The following ANGPT1 variants were observed in gnomAD, a reference collection of about 807,000 sequenced individuals.
The protein encoded by ANGPT1 is angiopoietin-1.
Under a neutral mutation model 62.2 loss-of-function variants are expected in ANGPT1, and 17 were observed. The ratio of observed to expected loss-of-function variants is 0.27; its 90% CI spans 0.19 to 0.41. The LOEUF (loss-of-function observed/expected upper bound fraction) is 0.41, where lower values mean the gene tolerates loss of function less well. ANGPT1 is among the 10% of genes least tolerant of loss of function. The probability of loss-of-function intolerance (pLI) is 1.00; values close to 1 mark genes in which losing one functional copy is unlikely to be tolerated. For synonymous variants in ANGPT1, 199 were observed against 198.9 expected (o/e 1.00, Z 0.00); for missense variants, 478 against 594.9 (o/e 0.80, Z 2.04).
chr8:107,264,418 C>T (rs1371000194), intron 7 of ANGPT1, 67 bp from the exon 8 acceptor site: 1 of 1,553,044 alleles, frequency 6.4e-7, no homozygotes, highest in Non-Finnish European at 8.7e-7. Context: ...AGAAGACCAG[C>T]TTGTTGAATG....
At chr8:107,292,950 A>G (rs1344552738) in intron 6 of ANGPT1, among the ~76,000 whole-genome samples, 1 of 152,204 alleles carries the variant, frequency 6.6e-6, no homozygotes, top group Non-Finnish European at 1.5e-5. Flanking sequence ...TTCAGCTGCA[A>G]AAGAATGAGA....
At chr8:107,398,245 G>C (rs760814711) in intron 1 of ANGPT1, among the ~76,000 whole-genome samples, 11 of 152,124 alleles carry the variant, frequency 7.2e-5, no homozygotes, top group Non-Finnish European at 1.0e-4. Flanking sequence ...AAAATTGTAA[G>C]TTTTAGAATA....
intron 4 of ANGPT1, among the ~76,000 whole-genome samples, chr8:107,315,450 G>A (rs576407495): frequency 6.6e-6 from 1 of 152,082 alleles, no homozygotes; most frequent in South Asian, 2.1e-4. Flanking sequence ...ACTCATTTTA[G>A]TCTCTGAGAT....
chr8:107,335,210 T>C (rs1815531544), intron 3 of ANGPT1, among the ~76,000 whole-genome samples: 1 of 152,158 alleles, frequency 6.6e-6, no homozygotes, highest in Admixed American at 6.5e-5. Flanking sequence ...GAGTCTCTGT[T>C]CCCTCACTTG....
At chr8:107,327,650 A>C (rs1815320574) in intron 3 of ANGPT1, among the ~76,000 whole-genome samples, 1 of 152,108 alleles carries the variant, frequency 6.6e-6, no homozygotes, top group South Asian at 2.1e-4. Flanking sequence ...GAAACCATGC[A>C]CCTAAATCTA....
chr8:107,491,104 T>C (rs1160834064), intron 1 of ANGPT1, among the ~76,000 whole-genome samples: 1 of 152,132 alleles, frequency 6.6e-6, no homozygotes, highest in Non-Finnish European at 1.5e-5. Flanking sequence ...GAGCCAACTA[T>C]GCTGTAAGCA....
intron 2 of ANGPT1, chr8:107,336,479 C>T (rs1260478912): frequency 4.9e-6 from 3 of 617,524 alleles, no homozygotes; most frequent in East Asian, 8.7e-5. Context: ...TCCTGGCAAA[C>T]ATGGTGAAAC....
intron 2 of ANGPT1, among the ~76,000 whole-genome samples, chr8:107,343,002 T>A (rs1231738614): frequency 2.9e-5 from 4 of 139,014 alleles, no homozygotes; most frequent in Non-Finnish European, 6.6e-5. Context: ...TGCCTGGCTT[T>A]TTTTTTTTTT....
chr8:107,358,271 A>G lies in ANGPT1; in HGVS notation c.298-11174T>C, dbSNP rs554301875. Among the ~76,000 whole-genome samples, 3 of 152,282 alleles carry G rather than the reference A, an allele frequency of 2.0e-5. No individual in the cohort carries two copies. The East Asian group carries it at 5.8e-4, about 29-fold the overall frequency. On this transcript the variant is annotated intron_variant, in intron 1 of 8. Transcript: ENST00000517746. ...TTGTTGAGTAGTTCTTATTTAAATT[A>G]CCCTTGGTCCAAGTACTGGAAGAAT...
At chr8:107,254,085 G>A (rs1321409716) in intron 8 of ANGPT1, among the ~76,000 whole-genome samples, 1 of 152,046 alleles carries the variant, frequency 6.6e-6, no homozygotes, top group Non-Finnish European at 1.5e-5. Flanking sequence ...TACTTAGTAG[G>A]ACACCTAACG....
chr8:107,357,384 CAT>C (rs1291774885), intron 1 of ANGPT1, among the ~76,000 whole-genome samples: 1 of 152,114 alleles, frequency 6.6e-6, no homozygotes, highest in African/African-American at 2.4e-5. Flanking sequence ...AAATTGCAAA[CAT>C]GTCTCCCTTT....
At position 107,437,497 on chromosome 8, in the gene ANGPT1, G is replaced by A. The variant is rs113251337; in HGVS notation, c.297+59765C>T. On this transcript the variant is annotated intron_variant, in intron 1 of 8. Transcript: ENST00000517746. ...AGTATTTGAATAGCTATGGTTTCAAGGCAATTATATTAAGTACACAAACCT... is the reference window on the plus strand; with the variant it reads ...AGTATTTGAATAGCTATGGTTTCAAAGCAATTATATTAAGTACACAAACCT... Among the ~76,000 whole-genome samples, 743 of 152,300 alleles carry A rather than the reference G, an allele frequency of 4.9e-3. 6 individuals are homozygous for A. The highest frequency in any genetic ancestry group is 0.017 in the African/African-American group (707 of 41,560).
intron 2 of ANGPT1, among the ~76,000 whole-genome samples, chr8:107,340,641 G>A (rs1156289182): frequency 6.6e-6 from 1 of 150,626 alleles, no homozygotes; most frequent in Non-Finnish European, 1.5e-5. Context: ...CCGGTGAGGT[G>A]TGCCCAGCAA....
chr8:107,405,056 T>A (rs1215108834), intron 1 of ANGPT1, among the ~76,000 whole-genome samples: 1 of 152,028 alleles, frequency 6.6e-6, no homozygotes, highest in African/African-American at 2.4e-5. Flanking sequence ...CATATTCATC[T>A]ATAAAAAATA....
chr8:107,475,145 G>C (rs1026452046), intron 1 of ANGPT1, among the ~76,000 whole-genome samples: 2 of 152,100 alleles, frequency 1.3e-5, no homozygotes, highest in Non-Finnish European at 2.9e-5. Flanking sequence ...TAAGCCAAAA[G>C]AACAAAGCTG....
At chr8:107,481,317 G>C (rs914735454) in intron 1 of ANGPT1, among the ~76,000 whole-genome samples, 1 of 151,692 alleles carries the variant, frequency 6.6e-6, no homozygotes, top group South Asian at 2.1e-4. Flanking sequence ...GGTGGATCAC[G>C]AGGTCAAGAG....
intron 1 of ANGPT1, among the ~76,000 whole-genome samples, chr8:107,476,395 T>G (rs565346686): frequency 1.4e-4 from 22 of 151,844 alleles, no homozygotes; most frequent in Admixed American, 1.3e-3. Context: ...TGAGAACACT[T>G]GGGCACAGGA....
chr8:107,294,130 T>A (rs1814352509), intron 5 of ANGPT1, 93 bp from the exon 6 acceptor site: 1 of 958,666 alleles, frequency 1.0e-6, no homozygotes. Context: ...GGCGAACAGG[T>A]CTGCAGATTA....
At chr8:107,363,462 C>A (rs1816209676) in intron 1 of ANGPT1, among the ~76,000 whole-genome samples, 1 of 152,120 alleles carries the variant, frequency 6.6e-6, no homozygotes, top group African/African-American at 2.4e-5. Flanking sequence ...ACGTGAGAAG[C>A]AGCACATGAG....
Sources: gnomAD v4.1 joint callset for allele counts (sites outside exome capture counted in the v4.1 genomes callset) on GRCh38, gnomAD v4.1.1 for gene constraint, MANE v1.5 for transcripts, NCBI Gene and HGNC (gene_info 2026-07-23, HGNC 2026-07-21) for gene names.